DMD: variants seen among roughly 807,000 people sequenced by gnomAD.
The protein encoded by DMD is mutant dystrophin.
A neutral mutation model predicts 330.1 loss-of-function variants in DMD; 63 were observed. That is an observed-to-expected ratio of 0.19 (90% CI 0.16 to 0.24). DMD has a LOEUF of 0.24. Among genes scored for constraint, DMD ranks in the 10% least tolerant of loss-of-function variants. DMD has a pLI of 1.00. For synonymous variants in DMD, 1,223 were observed against 959.8 expected, an observed-to-expected ratio of 1.27 and a Z score of -5.07; for missense variants, 3,344 against 2,684.1, an observed-to-expected ratio of 1.25 and a Z score of -5.43.
At chrX:32,000,482 G>T (rs926405264) in intron 44 of DMD, among the ~76,000 whole-genome samples, 3 of 112,080 alleles carry the variant, frequency 2.7e-5, no homozygotes, top group Non-Finnish European at 5.7e-5. Context: ...CCAAAGGAAA[G>T]CTTCATGAAA....
At position 31,291,209 on chromosome X, in the gene DMD, G is replaced by A. The variant is rs767793971; in HGVS notation, c.9225-30193C>T. Among the ~76,000 whole-genome samples the A allele has an allele frequency of 5.7e-3, 624 of 109,764 alleles. 5 individuals are homozygous for A. Among genetic ancestry groups the A allele is most frequent in the African/African-American group, 0.02 (600 of 30,180 alleles). On this transcript the variant is annotated intron_variant, in intron 62 of 78. Transcript: ENST00000357033. ...AACTAGCAGACTTTGGGCTAAATTT[G>A]GCATGCACAAATGTTTTGATTAGCC...
At chrX:31,383,704 C>A (rs1283152298) in intron 60 of DMD, among the ~76,000 whole-genome samples, 1 of 112,011 alleles carries the variant, frequency 8.9e-6, no homozygotes, top group Non-Finnish European at 1.9e-5. Flanking sequence ...GGAGAAGCAG[C>A]TGGATGTTGG....
chrX:31,216,189 C>T (rs1456100384), intron 64 of DMD, among the ~76,000 whole-genome samples: 1 of 112,425 alleles, frequency 8.9e-6, no homozygotes, highest in African/African-American at 3.2e-5. Flanking sequence ...AAGCGCACTT[C>T]AAGGGCATCC....
chrX:31,953,469 C>T (rs1267046173), intron 45 of DMD, among the ~76,000 whole-genome samples: 1 of 112,115 alleles, frequency 8.9e-6, no homozygotes, highest in African/African-American at 3.2e-5. Context: ...GGCAAATACA[C>T]CACAAATTCA....
At chrX:32,604,994 T>C (rs1091271) in intron 12 of DMD, among the ~76,000 whole-genome samples, 32 of 110,997 alleles carry the variant, frequency 2.9e-4, no homozygotes, top group Non-Finnish European at 4.8e-4. Context: ...AATTTACAGA[T>C]TGAACACAGT....
intron 16 of DMD, among the ~76,000 whole-genome samples, chrX:32,554,831 G>GGGGA (rs2050006288): frequency 1.2e-4 from 1 of 8,544 alleles, no homozygotes; most frequent in African/African-American, 5.0e-4. Flanking sequence ...GGAGGGGGAG[G>GGGGA]GAGAGAGAGA....
At chrX:32,630,247 A>G (rs7058068) in intron 11 of DMD, among the ~76,000 whole-genome samples, 7,590 of 111,242 alleles carry the variant, frequency 0.068, 316 homozygotes, top group African/African-American at 0.13. Context: ...CTTTAAATGT[A>G]TCATGCCACT....
At chrX:31,546,696 C>A (rs2074158652) in intron 55 of DMD, among the ~76,000 whole-genome samples, 1 of 112,406 alleles carries the variant, frequency 8.9e-6, no homozygotes, top group South Asian at 3.7e-4. Context: ...AGCCTCCTGT[C>A]TCCAGCAGTT....
At chrX:32,480,037 T>C (rs936988765) in intron 21 of DMD, among the ~76,000 whole-genome samples, 1 of 111,046 alleles carries the variant, frequency 9.0e-6, no homozygotes, top group African/African-American at 3.3e-5. Flanking sequence ...ATCCAAAATA[T>C]ATAGAAACCT....
chrX:31,844,996 A>C (rs1206833056), intron 48 of DMD, among the ~76,000 whole-genome samples: 3 of 108,767 alleles, frequency 2.8e-5, no homozygotes, highest in African/African-American at 1.0e-4. Flanking sequence ...CTGAACCTTC[A>C]GTGTCTCAGA....
At chrX:31,736,818 G>A (rs1039580047) in intron 51 of DMD, among the ~76,000 whole-genome samples, 1 of 110,762 alleles carries the variant, frequency 9.0e-6, no homozygotes, top group Non-Finnish European at 1.9e-5. Flanking sequence ...CTGGAGTCAG[G>A]CTTTCCCAAT....
chrX:31,927,019 A>G (rs922503804), intron 47 of DMD, among the ~76,000 whole-genome samples: 2 of 111,584 alleles, frequency 1.8e-5, no homozygotes, highest in Admixed American at 1.9e-4. Flanking sequence ...GTTATAAGCC[A>G]TTTTCTTTTA....
intron 1 of DMD, among the ~76,000 whole-genome samples, chrX:33,057,174 T>C (rs1256842138): frequency 1.8e-5 from 2 of 111,781 alleles, no homozygotes; most frequent in Non-Finnish European, 3.8e-5. Flanking sequence ...CCAGATAATA[T>C]TGTTAGGAGC....
intron 44 of DMD, among the ~76,000 whole-genome samples, chrX:32,052,080 A>G (rs1326556497): frequency 2.7e-5 from 3 of 112,220 alleles, no homozygotes; most frequent in Non-Finnish European, 5.6e-5. Context: ...GTGCAGTATA[A>G]AAGTATGAAA....
At chrX:31,375,871 C>T (rs751495245) in intron 60 of DMD, among the ~76,000 whole-genome samples, 4 of 111,749 alleles carry the variant, frequency 3.6e-5, no homozygotes, top group African/African-American at 6.5e-5. Flanking sequence ...GTTTTTACCA[C>T]AATTTGAAAA....
At chrX:32,473,011 C>G (rs1238831902) in intron 21 of DMD, among the ~76,000 whole-genome samples, 1 of 110,204 alleles carries the variant, frequency 9.1e-6, no homozygotes, top group Non-Finnish European at 1.9e-5. Flanking sequence ...TAGAGATATA[C>G]AGTATGTATA....
intron 9 of DMD, among the ~76,000 whole-genome samples, chrX:32,686,181 A>G (rs1183221854): frequency 9.0e-6 from 1 of 111,670 alleles, no homozygotes; most frequent in Non-Finnish European, 1.9e-5. Flanking sequence ...AAAGACCACA[A>G]TATGCAAGGA....
At chrX:32,560,740 A>G (rs2050903424) in intron 16 of DMD, among the ~76,000 whole-genome samples, 2 of 111,890 alleles carry the variant, frequency 1.8e-5, no homozygotes, top group South Asian at 7.4e-4. Flanking sequence ...GCTTCCAGCT[A>G]CATCCATGTC....
In DMD at chrX:32,287,547, A is replaced by G. The variant is rs1281510987; in HGVS notation, c.6272T>C (p.Met2091Thr). 8.3e-7 allele frequency: 1 copy of G among 1,210,884 alleles called. No homozygotes were observed. The highest frequency in any genetic ancestry group is 2.2e-5 in the Admixed American group (1 of 45,960). Residue 2091 changes from methionine to threonine, a missense_variant, in exon 43 of 79, where the codon ATG becomes ACG. Met to Thr is a moderately conservative substitution (Grantham distance 81). Transcript: ENST00000357033. ...TACCTACCCTTGTCGGTCCTTGTAC[A>G]TTTTGTTAACTTTTTCCCATTGGAA... is the stretch of plus-strand genomic sequence containing the variant. ...LDFQWEKVNK[M>T]YKDRQGRFDR...
Sources: allele counts gnomAD v4.1 joint callset (sites outside exome capture counted in the v4.1 genomes callset), GRCh38; gene constraint gnomAD v4.1.1; transcripts MANE v1.5; gene names NCBI Gene and HGNC (gene_info 2026-07-23, HGNC 2026-07-21).